Variants in TUT4 observed in about 807,000 individuals in gnomAD.
TUT4 encodes the protein terminal uridylyl transferase 4.
In TUT4, 36 loss-of-function variants were observed where a neutral mutation model predicts 192.2. The observed-to-expected ratio is 0.19, with a 90% CI of 0.14 to 0.25. TUT4 has a LOEUF of 0.25. TUT4 is among the 10% of genes least tolerant of loss of function. TUT4 has a pLI of 1.00. For synonymous variants in TUT4, 618 were observed against 666.0 expected (o/e 0.93, Z 1.11); for missense variants, 1,493 against 1,957.2 (o/e 0.76, Z 4.47).
intron 4 of TUT4, among the ~76,000 whole-genome samples, chr1:52,506,447 A>C (rs1276079450): frequency 6.6e-5 from 10 of 152,210 alleles, no homozygotes; most frequent in Admixed American, 6.5e-4. Context: ...GTACAGAACA[A>C]GTACATGTAT....
intron 15 of TUT4, among the ~76,000 whole-genome samples, chr1:52,467,394 T>C (rs1013812830): frequency 3.9e-5 from 6 of 152,214 alleles, no homozygotes; most frequent in Non-Finnish European, 7.3e-5. Flanking sequence ...GTAACTGTTA[T>C]AGCAAAAACC....
At chr1:52,469,891 CAAAAAAA>C (rs773732659) in intron 14 of TUT4, among the ~76,000 whole-genome samples, 4 of 69,174 alleles carry the variant, frequency 5.8e-5, no homozygotes, top group African/African-American at 2.0e-4. Flanking sequence ...ACTCAGTCTC[CAAAAAAA>C]AAAAAAAAAA....
intron 15 of TUT4, 43 bp from the exon 16 acceptor site, chr1:52,465,216 AGAGGAGG>A: frequency 6.8e-7 from 1 of 1,464,212 alleles, no homozygotes; most frequent in Non-Finnish European, 9.5e-7. Flanking sequence ...TTATAAGCAG[AGAGGAGG>A]AGTCTTCTGC....
chr1:52,545,847 C>A (rs143184904), intron 1 of TUT4, among the ~76,000 whole-genome samples: 1 of 151,504 alleles, frequency 6.6e-6, no homozygotes, highest in African/African-American at 2.4e-5. Context: ...ATAGGCCAGG[C>A]GCGATGGCTC....
At chr1:52,515,414 C>A (rs1300447649) in intron 3 of TUT4, 1 of 167,520 alleles carries the variant, frequency 6.0e-6, no homozygotes, top group African/African-American at 2.4e-5. Context: ...TATAAAGGGG[C>A]GAATAAATAT....
chr1:52,548,607 TAA>T (rs1283851574), intron 1 of TUT4, among the ~76,000 whole-genome samples: 1 of 152,178 alleles, frequency 6.6e-6, no homozygotes, highest in East Asian at 1.9e-4. Context: ...GAGAATAATA[TAA>T]AAAGGGTTGT....
Position 52,525,854 on chromosome 1 carries a change from C to T in TUT4, c.427G>A (p.Ala143Thr), listed in dbSNP as rs762865178. ...TCTGACTTCATCTGATAACTGGATG[C>T]TTTTTCTGCTTTCACTGAATTAGGT... ...KSPNSVKAEK[A>T]SSYQMKSEKV... The change falls in exon 2 of 30, where the codon GCA (alanine) becomes ACA (threonine). Residue 143 changes from alanine (A) to threonine (T), a missense_variant. Transcript: ENST00000257177. 11 of 1,614,112 alleles carry T rather than the reference C, an allele frequency of 6.8e-6. No individual in the cohort carries two copies. Among genetic ancestry groups the T allele is most frequent in the East Asian group, 2.2e-5 (1 of 44,868 alleles).
chr1:52,440,950 G>C (rs1655329038), intron 24 of TUT4, among the ~76,000 whole-genome samples: 1 of 152,070 alleles, frequency 6.6e-6, no homozygotes, highest in Non-Finnish European at 1.5e-5. Flanking sequence ...TTTAATTGGG[G>C]TTCAAAGTTA....
chr1:52,480,234 A>G (rs1668170902), intron 11 of TUT4, among the ~76,000 whole-genome samples: 1 of 152,186 alleles, frequency 6.6e-6, no homozygotes, highest in Non-Finnish European at 1.5e-5. Context: ...AAGAGATTAC[A>G]GAGGAAAAAA....
chr1:52,458,557 C>T, intron 19 of TUT4, 108 bp from the exon 20 acceptor site: 1 of 754,096 alleles, frequency 1.3e-6, no homozygotes, highest in Non-Finnish European at 2.1e-6. Flanking sequence ...CTGGGTTAAA[C>T]TGAGTTAAAA....
intron 4 of TUT4, among the ~76,000 whole-genome samples, chr1:52,507,887 T>C (rs962337788): frequency 2.3e-4 from 35 of 152,178 alleles, no homozygotes; most frequent in Non-Finnish European, 8.8e-5. Flanking sequence ...CTTGGCTCAC[T>C]GCAGCCTCCA....
Position 52,474,865 on chromosome 1 carries a change from A to G in TUT4, c.2694T>C (p.Tyr898=), listed in dbSNP as rs935834060. 6.2e-6 allele frequency: 10 copies of G among 1,611,102 alleles called. No homozygotes were observed. Among genetic ancestry groups the G allele is most frequent in the African/African-American group, 1.3e-5 (1 of 74,838 alleles). ...DDNLPTQELY[Y]VFDKFILTSG... The stretch of plus-strand genomic sequence containing the variant: ...AGGTTAAAATAAACTTATCAAACAC[A>G]TAATATAATTCCTGGGTGGGGAGGT... Residue 898 remains tyrosine (Y), a synonymous_variant, in exon 13 of 30, where the codon TAT becomes TAC. Transcript: ENST00000257177.
At chr1:52,451,698 C>T (rs1259003277) in intron 20 of TUT4, among the ~76,000 whole-genome samples, 1 of 151,934 alleles carries the variant, frequency 6.6e-6, no homozygotes, top group Non-Finnish European at 1.5e-5. Context: ...CAAAAATGAG[C>T]CGGGTATGGT....
chr1:52,449,361 C>A (rs1424124404), intron 20 of TUT4, among the ~76,000 whole-genome samples: 1 of 152,212 alleles, frequency 6.6e-6, no homozygotes, highest in Non-Finnish European at 1.5e-5. Context: ...TGCAGTGGCA[C>A]AATCTCAGCT....
chr1:52,496,145 G>C (rs1672388247), intron 5 of TUT4, among the ~76,000 whole-genome samples: 1 of 152,008 alleles, frequency 6.6e-6, no homozygotes, highest in African/African-American at 2.4e-5. Flanking sequence ...ATATGATTGG[G>C]ACAGATCAAG....
chr1:52,502,559 T>G lies in TUT4; in HGVS notation c.1000-5376A>C, dbSNP rs144354306. Among the ~76,000 whole-genome samples, 180 of 151,482 alleles carry G rather than the reference T, an allele frequency of 1.2e-3. 1 individual carries two copies. Among genetic ancestry groups the G allele is most frequent in the African/African-American group, 4.0e-3 (166 of 41,144 alleles). ...GTAATAATCTCCTTCTCCTTAAACATTACACAATCTACTAGTCTGTGTTTT... is the reference window on the plus strand; with the variant it reads ...GTAATAATCTCCTTCTCCTTAAACAGTACACAATCTACTAGTCTGTGTTTT... On this transcript the variant is annotated intron_variant, in intron 4 of 29. Coordinates refer to ENST00000257177, the MANE Select transcript of TUT4 (RefSeq NM_001009881.3).
At chr1:52,473,275 T>G (rs894782316) in intron 13 of TUT4, among the ~76,000 whole-genome samples, 16 of 151,914 alleles carry the variant, frequency 1.1e-4, no homozygotes, top group Non-Finnish European at 1.0e-4. Context: ...GAGGGGAAAA[T>G]GGGGAGGTGT....
chr1:52,466,964 G>A (rs1664398014), intron 15 of TUT4, among the ~76,000 whole-genome samples: 1 of 151,518 alleles, frequency 6.6e-6, no homozygotes, highest in African/African-American at 2.4e-5. Context: ...ACCGCACCTG[G>A]CCAAAAAAAA....
At chr1:52,509,553 CA>C (rs1676534618) in intron 4 of TUT4, 42 bp downstream of exon 4, 3 of 1,105,380 alleles carry the variant, frequency 2.7e-6, no homozygotes, top group Admixed American at 2.5e-5. Flanking sequence ...TATGGTTTTA[CA>C]ACTTGAAAAA....
Sources: allele counts gnomAD v4.1 joint callset (sites outside exome capture counted in the v4.1 genomes callset), GRCh38; gene constraint gnomAD v4.1.1; transcripts MANE v1.5; gene names NCBI Gene and HGNC (gene_info 2026-07-23, HGNC 2026-07-21).